The following KIAA0513 variants were observed in gnomAD, a reference collection of about 807,000 sequenced individuals.
KIAA0513 encodes the protein KIAA0513.
Under a neutral mutation model 56.5 loss-of-function variants are expected in KIAA0513, and 39 were observed. That is an observed-to-expected ratio of 0.69 (90% CI 0.53 to 0.90). The LOEUF is 0.90. KIAA0513 is among the 40% of genes least tolerant of loss of function. The probability of loss-of-function intolerance (pLI) is 0.00; values close to 1 mark genes in which losing one functional copy is unlikely to be tolerated. For synonymous variants in KIAA0513, 268 were observed against 215.6 expected (o/e 1.24, Z -2.13); for missense variants, 591 against 535.2 (o/e 1.10, Z -1.03).
intron 1 of KIAA0513, among the ~76,000 whole-genome samples, chr16:85,044,199 G>A (rs1190717775): frequency 6.6e-6 from 1 of 152,158 alleles, no homozygotes; most frequent in Non-Finnish European, 1.5e-5. Flanking sequence ...TTGGGCCCTT[G>A]TCCCATCAAC....
At chr16:85,061,768 G>A (rs539335464) in intron 1 of KIAA0513, among the ~76,000 whole-genome samples, 1 of 152,310 alleles carries the variant, frequency 6.6e-6, no homozygotes, top group Admixed American at 6.5e-5. Flanking sequence ...GGGCAATCTC[G>A]TGAGTTCCTT....
chr16:85,072,192 A>G (rs1255122532), intron 3 of KIAA0513, among the ~76,000 whole-genome samples: 1 of 152,142 alleles, frequency 6.6e-6, no homozygotes, highest in East Asian at 1.9e-4. Flanking sequence ...CCCTCCCCGC[A>G]TCTCTAAAAA....
rs2073492660 is a variant in KIAA0513 at position 85,067,035 on chromosome 16, C to G, written c.-37C>G. On this transcript the variant is annotated 5_prime_UTR_variant, in exon 2 of 13. Transcript: ENST00000683363. ...TGCTGGGCTCCCCTCTAGGCAGCCT[C>G]CCCTCCAGGCAGCCTCACCAGCAGC... The G allele has an allele frequency of 1.3e-6, 2 of 1,502,788 alleles. No individual in the cohort carries two copies. The highest frequency in any genetic ancestry group is 2.3e-5 in the East Asian group (1 of 43,708). 93.1% of individuals were successfully genotyped at this position (1,502,788 alleles called of 1,614,324 possible). A position where few individuals can be genotyped will look rare whatever the true frequency, so the allele number is the denominator to read the frequency against.
chr16:85,051,236 C>G (rs554470774), intron 1 of KIAA0513, among the ~76,000 whole-genome samples: 3 of 152,258 alleles, frequency 2.0e-5, no homozygotes, highest in Admixed American at 6.5e-5. Context: ...GTTTTATTCT[C>G]CCACTGGGTT....
intron 3 of KIAA0513, 46 bp from the exon 4 acceptor site, chr16:85,072,877 CGT>C: frequency 6.4e-7 from 1 of 1,561,960 alleles, no homozygotes; most frequent in Non-Finnish European, 8.8e-7. Context: ...CTGAGTGCTG[CGT>C]GTGTCGCCCT....
intron 4 of KIAA0513, among the ~76,000 whole-genome samples, chr16:85,073,620 C>G (rs910140618): frequency 6.6e-6 from 1 of 152,226 alleles, no homozygotes; most frequent in Non-Finnish European, 1.5e-5. Flanking sequence ...GGTCAACAGA[C>G]CAGCTTCATG....
chr16:85,080,825 GT>G (rs947486505), intron 8 of KIAA0513, among the ~76,000 whole-genome samples: 85 of 152,252 alleles, frequency 5.6e-4, no homozygotes, highest in African/African-American at 1.9e-3. Context: ...AAATAAGAAT[GT>G]TTTTTTCCTT....
chr16:85,036,974 C>G (rs1053539303), intron 1 of KIAA0513, among the ~76,000 whole-genome samples: 1 of 152,034 alleles, frequency 6.6e-6, no homozygotes, highest in Non-Finnish European at 1.5e-5. Context: ...GAAACTTTCT[C>G]CTGCCTCTAA....
intron 9 of KIAA0513, among the ~76,000 whole-genome samples, chr16:85,082,340 G>T (rs1363180294): frequency 6.6e-6 from 1 of 152,110 alleles, no homozygotes; most frequent in Non-Finnish European, 1.5e-5. Context: ...TGTGCCAGGA[G>T]ACCAGAACAG....
In KIAA0513 at chr16:85,076,376, T is replaced by C. The variant is rs117220600; in HGVS notation, c.574+462T>C. The stretch of plus-strand genomic sequence containing the variant: ...TGGGCTGGAGATGGCTTATGAGGAG[T>C]GCGGACTGTGCTTGATGCTGAGGCT... On this transcript the variant is annotated intron_variant, in intron 5 of 12. Coordinates refer to ENST00000683363, the MANE Select transcript of KIAA0513 (RefSeq NM_001388359.1). The surrounding 1 kb of genome is among the most constrained non-coding windows in gnomAD (Gnocchi z 4.7). Among the ~76,000 whole-genome samples, 1,839 of 151,838 alleles carry C rather than the reference T, an allele frequency of 0.012. 28 individuals are homozygous for C. The highest frequency in any genetic ancestry group is 0.017 in the Non-Finnish European group (1,146 of 67,912).
intron 1 of KIAA0513, among the ~76,000 whole-genome samples, chr16:85,058,677 AAAAC>A (rs1369709732): frequency 2.0e-5 from 3 of 151,944 alleles, no homozygotes; most frequent in Non-Finnish European, 4.4e-5. Flanking sequence ...AACACACAAG[AAAAC>A]AAACAAAAAA....
At chr16:85,080,176 C>T (rs1013367603) in intron 8 of KIAA0513, among the ~76,000 whole-genome samples, 5 of 152,056 alleles carry the variant, frequency 3.3e-5, no homozygotes, top group Non-Finnish European at 7.4e-5. Context: ...CCCATGGAAG[C>T]AGAGGACGGG....
intron 1 of KIAA0513, among the ~76,000 whole-genome samples, chr16:85,058,839 T>G (rs2073365583): frequency 6.6e-6 from 1 of 152,248 alleles, no homozygotes. Context: ...TGCAGAAAGC[T>G]ACTCTGCAGA....
intron 2 of KIAA0513, among the ~76,000 whole-genome samples, chr16:85,071,449 G>A (rs941359738): frequency 2.6e-5 from 4 of 152,162 alleles, no homozygotes; most frequent in South Asian, 2.1e-4. Context: ...CTTAGGGTTC[G>A]TGCCCTTATC....
chr16:85,078,600 TC>T, intron 7 of KIAA0513, 145 bp downstream of exon 7: 1 of 756,172 alleles, frequency 1.3e-6, no homozygotes, highest in Non-Finnish European at 2.1e-6. Flanking sequence ...GCTTCCCAGC[TC>T]CCGTGGTTGT....
chr16:85,077,246 G>A (rs1305877473), intron 5 of KIAA0513, among the ~76,000 whole-genome samples, 179 bp from the exon 6 acceptor site: 2 of 152,084 alleles, frequency 1.3e-5, no homozygotes, highest in African/African-American at 2.4e-5. Context: ...GGGGAGCAGG[G>A]CCCCCACTTC....
intron 1 of KIAA0513, among the ~76,000 whole-genome samples, chr16:85,058,519 G>A (rs2073360607): frequency 6.6e-6 from 1 of 151,928 alleles, no homozygotes. Flanking sequence ...GGGTGGGGTG[G>A]CGCATGCCTG....
chr16:85,032,167 G>T (rs544252159), intron 1 of KIAA0513, among the ~76,000 whole-genome samples: 2 of 152,204 alleles, frequency 1.3e-5, no homozygotes, highest in African/African-American at 4.8e-5. Context: ...GGTGATCCGT[G>T]TTGTCCCCTC....
chr16:85,054,379 A>G (rs1343793641), intron 1 of KIAA0513, among the ~76,000 whole-genome samples: 1 of 150,760 alleles, frequency 6.6e-6, no homozygotes, highest in African/African-American at 2.4e-5. Context: ...AAGTTATCTC[A>G]GTGCCATTGA....
Sources: allele counts gnomAD v4.1 joint callset (sites outside exome capture counted in the v4.1 genomes callset), GRCh38; gene constraint gnomAD v4.1.1; non-coding constraint Gnocchi (gnomAD v3.1); transcripts MANE v1.5; gene names NCBI Gene and HGNC (gene_info 2026-07-23, HGNC 2026-07-21).